The following TP73 variants were observed in gnomAD, a reference collection of about 807,000 sequenced individuals.
TP73 encodes p53-like transcription factor.
Under a neutral mutation model 62.5 loss-of-function variants are expected in TP73, and 25 were observed. That is an observed-to-expected ratio of 0.40 (90% CI 0.29 to 0.56). The LOEUF is 0.56. Among genes scored for constraint, TP73 ranks in the 20% least tolerant of loss-of-function variants. TP73 has a pLI of 0.46. For missense variants in TP73, 754 were observed against 913.3 expected, an observed-to-expected ratio of 0.83 and a Z score of 2.25; for synonymous variants, 423 against 377.5, an observed-to-expected ratio of 1.12 and a Z score of -1.40.
At chr1:3,726,570 A>T (rs1433021252) in intron 6 of TP73, among the ~76,000 whole-genome samples, 7 of 136,080 alleles carry the variant, frequency 5.1e-5, no homozygotes, top group Non-Finnish European at 7.8e-5. Flanking sequence ...GTAGATAATA[A>T]GTGGGGGAGT....
intron 1 of TP73, among the ~76,000 whole-genome samples, chr1:3,657,308 G>T (rs1228448887): frequency 6.6e-6 from 1 of 152,166 alleles, no homozygotes; most frequent in Non-Finnish European, 1.5e-5. Context: ...GTGGTTCCCA[G>T]GCATGCAGAT....
rs1321451593 is a variant in TP73 at position 3,707,803 on chromosome 1, T to G, written c.429+12T>G. ...CAGCCACCTGGACGGTGAGTTCCCC[T>G]AGTCCCTGAGGGCTGCGGGCTGCGG... On this transcript the variant is annotated intron_variant, in intron 4 of 13. Coordinates refer to ENST00000378295, the MANE Select transcript of TP73 (RefSeq NM_005427.4). 6.2e-7 allele frequency: 1 copy of G among 1,610,652 alleles called. No homozygotes were observed. Among genetic ancestry groups the G allele is most frequent in the African/African-American group, 1.3e-5 (1 of 74,896 alleles).
chr1:3,692,994 G>GGTTC (rs1645893648), intron 3 of TP73, among the ~76,000 whole-genome samples: 1 of 152,196 alleles, frequency 6.6e-6, no homozygotes, highest in Non-Finnish European at 1.5e-5. Context: ...GGATTACTGT[G>GGTTC]GTTCGTTCGT....
intron 1 of TP73, among the ~76,000 whole-genome samples, chr1:3,659,598 C>T (rs984249374): frequency 7.2e-5 from 11 of 152,082 alleles, no homozygotes; most frequent in African/African-American, 2.4e-4. Flanking sequence ...TAATATGGGG[C>T]GCACAATATG....
intron 3 of TP73, among the ~76,000 whole-genome samples, chr1:3,690,039 C>A (rs542485684): frequency 6.6e-6 from 1 of 152,228 alleles, no homozygotes; most frequent in East Asian, 1.9e-4. Context: ...AGGCCGTCCA[C>A]GCCTGCAGGG....
intron 9 of TP73, among the ~76,000 whole-genome samples, chr1:3,729,065 G>A (rs983822455): frequency 6.6e-6 from 1 of 152,260 alleles, no homozygotes; most frequent in African/African-American, 2.4e-5. Flanking sequence ...GTTGGTAGGG[G>A]AGGAAGAGGG....
Position 3,683,039 on chromosome 1 carries a change from A to G in TP73, c.66-21A>G, listed in dbSNP as rs540531760. The G allele has an allele frequency of 9.4e-6, 15 of 1,592,424 alleles. No individual in the cohort carries two copies. In the African/African-American group the frequency reaches 1.5e-4, roughly 16 times the overall value. On this transcript the variant is annotated intron_variant, in intron 2 of 13. Coordinates refer to ENST00000378295, the MANE Select transcript of TP73 (RefSeq NM_005427.4). ...ACCCAAACTGGGGACTGACGCTTCT[A>G]TTTTCCTCTCCCTGCCCCAGGGAAC...
chr1:3,688,438 A>G (rs141558927), intron 3 of TP73, among the ~76,000 whole-genome samples: 17 of 152,222 alleles, frequency 1.1e-4, no homozygotes, highest in Admixed American at 3.3e-4. Flanking sequence ...AACCCCTCCC[A>G]CTAACTGGTT....
At chr1:3,709,056 G>C (rs188692194) in intron 4 of TP73, among the ~76,000 whole-genome samples, 1 of 152,202 alleles carries the variant, frequency 6.6e-6, no homozygotes, top group East Asian at 1.9e-4. Flanking sequence ...CTGGAGGGCC[G>C]AGGGGCAGGG....
chr1:3,677,281 G>C (rs1645394889), intron 1 of TP73, among the ~76,000 whole-genome samples: 1 of 152,156 alleles, frequency 6.6e-6, no homozygotes, highest in Admixed American at 6.5e-5. Flanking sequence ...AGCAGGCTGA[G>C]GTCTGGGTTT....
At chr1:3,717,711 G>A (rs891202689) in intron 4 of TP73, among the ~76,000 whole-genome samples, 9 of 152,112 alleles carry the variant, frequency 5.9e-5, no homozygotes, top group Non-Finnish European at 1.3e-4. Flanking sequence ...CGCTGGAGCC[G>A]TCCTGGGCTC....
At chr1:3,724,031 G>A (rs1641311879) in intron 6 of TP73, among the ~76,000 whole-genome samples, 1 of 152,174 alleles carries the variant, frequency 6.6e-6, no homozygotes, top group Non-Finnish European at 1.5e-5. Flanking sequence ...GCACCACGTG[G>A]GTGGGGGGTG....
Position 3,689,981 on chromosome 1 carries a change from C to G in TP73, c.186+6801C>G, listed in dbSNP as rs1363149736. 5.3e-5 allele frequency among the ~76,000 whole-genome samples: 8 copies of G among 152,332 alleles called. 1 individual carries two copies. The South Asian group carries it at 1.7e-3, about 32-fold the overall frequency. On this transcript the variant is annotated intron_variant, in intron 3 of 13. Transcript: ENST00000378295. ...AGTGGCAGTCACCTCAAAGGCCCCA[C>G]TAGACGGGTGCGGGGCACCACTGCA...
In TP73 at chr1:3,666,789, G is replaced by T. The variant is rs1056471842; in HGVS notation, c.-34+14148G>T. Among the ~76,000 whole-genome samples, 13 of 152,198 alleles carry T rather than the reference G, an allele frequency of 8.5e-5. No individual in the cohort carries two copies. Among genetic ancestry groups the T allele is most frequent in the Non-Finnish European group, 1.5e-4 (10 of 68,044 alleles). ...GCAGACGCGACTCAGTGCCATGCGG[G>T]CGTCTCTCCCAGGGCGGCTTTCAGA... On this transcript the variant is annotated intron_variant, in intron 1 of 13. Coordinates refer to ENST00000378295, the MANE Select transcript of TP73 (RefSeq NM_005427.4). This position sits in a 1 kb window ranked among gnomAD's most constrained non-coding sequence, Gnocchi z 6.4.
intron 4 of TP73, among the ~76,000 whole-genome samples, chr1:3,709,067 C>T (rs568741348): frequency 5.9e-5 from 9 of 152,324 alleles, no homozygotes; most frequent in Non-Finnish European, 1.2e-4. Context: ...AGGGGCAGGG[C>T]GGAGCCTAAG....
rs34860315 is a variant in TP73, at chr1:3,662,058, CA to C, written c.-34+9428del. 5.9e-4 allele frequency: 83 copies of C among 140,612 alleles called. No homozygotes were observed. The highest frequency in any genetic ancestry group is 5.7e-4 in the Non-Finnish European group (37 of 64,534). The allele number at this position is 140,612 out of a possible 1,614,324, so 8.7% of individuals were successfully genotyped here. On this transcript the variant is annotated intron_variant, in intron 1 of 13. Transcript: ENST00000378295. The surrounding 1 kb of genome is among the most constrained non-coding windows in gnomAD (Gnocchi z 4.4). ...TGGGTGACAGAGTGAGACCCTGTCT[CA>C]AAAAAAAAAAGAACTAGTTCACACC... is the stretch of plus-strand genomic sequence containing the variant.
chr1:3,717,260 G>T (rs1286539054), intron 4 of TP73, among the ~76,000 whole-genome samples: 1 of 152,068 alleles, frequency 6.6e-6, no homozygotes, highest in Non-Finnish European at 1.5e-5. Context: ...ACCCACCCCC[G>T]CACCAGCCCT....
chr1:3,717,254 A>G (rs894144823), intron 4 of TP73, among the ~76,000 whole-genome samples: 1 of 150,794 alleles, frequency 6.6e-6, no homozygotes, highest in Admixed American at 6.6e-5. Flanking sequence ...CCCCTCACCC[A>G]CCCCCGCACC....
In TP73 at chr1:3,672,276, G is replaced by A. The variant is rs750133349; in HGVS notation, c.-33-10057G>A. On this transcript the variant is annotated intron_variant, in intron 1 of 13. Coordinates refer to ENST00000378295, the MANE Select transcript of TP73 (RefSeq NM_005427.4). The surrounding 1 kb of genome is among the most constrained non-coding windows in gnomAD (Gnocchi z 5.3). ...TTCTCTCTTGGTTGGAGGAGTGGAAGTGCTTCTCTGGGGAAAGAAAGAAGA... is the reference window on the plus strand; with the variant it reads ...TTCTCTCTTGGTTGGAGGAGTGGAAATGCTTCTCTGGGGAAAGAAAGAAGA... Among the ~76,000 whole-genome samples, 9 of 152,126 alleles carry A rather than the reference G, an allele frequency of 5.9e-5. No individual in the cohort carries two copies. Among genetic ancestry groups the A allele is most frequent in the Non-Finnish European group, 8.8e-5 (6 of 68,010 alleles).
Sources: allele counts gnomAD v4.1 joint callset (sites outside exome capture counted in the v4.1 genomes callset), GRCh38; gene constraint gnomAD v4.1.1; non-coding constraint Gnocchi (gnomAD v3.1); transcripts MANE v1.5; gene names NCBI Gene and HGNC (gene_info 2026-07-23, HGNC 2026-07-21).